HMCN1: variants seen among roughly 807,000 people sequenced by gnomAD.
The protein encoded by HMCN1 is hemicentin 1.
In HMCN1, 321 loss-of-function variants were observed where a neutral mutation model predicts 625.9. The ratio of observed to expected loss-of-function variants is 0.51; its 90% CI spans 0.47 to 0.56. The LOEUF (loss-of-function observed/expected upper bound fraction) is 0.56, where lower values mean the gene tolerates loss of function less well. HMCN1 is among the 20% of genes least tolerant of loss of function. HMCN1 has a pLI of 0.00. For synonymous variants in HMCN1, 2,425 were observed against 2,417.6 expected (o/e 1.00, Z -0.09); for missense variants, 6,588 against 6,887.3 (o/e 0.96, Z 1.54).
chr1:186,077,147 A>G (rs1176241905), intron 54 of HMCN1, among the ~76,000 whole-genome samples: 2 of 152,178 alleles, frequency 1.3e-5, no homozygotes, highest in Non-Finnish European at 2.9e-5. Context: ...GGGCTTATCA[A>G]AATTCATCAG....
intron 46 of HMCN1, among the ~76,000 whole-genome samples, chr1:186,059,413 A>G (rs911760075): frequency 1.3e-5 from 2 of 152,054 alleles, no homozygotes; most frequent in African/African-American, 4.8e-5. Context: ...GAAAAAGGCA[A>G]GCTAAAGTGA....
chr1:185,798,738 A>G (rs1231278218), intron 1 of HMCN1, among the ~76,000 whole-genome samples: 2 of 151,716 alleles, frequency 1.3e-5, no homozygotes, highest in Non-Finnish European at 2.9e-5. Flanking sequence ...GGTTTTAAAT[A>G]TATCTATCTA....
chr1:186,065,194 A>G (rs1658026167), intron 48 of HMCN1, 44 bp from the exon 49 acceptor site: 1 of 1,499,724 alleles, frequency 6.7e-7, no homozygotes, highest in Non-Finnish European at 9.3e-7. Flanking sequence ...TATTCATTCT[A>G]TACATGTAAT....
chr1:185,780,754 AT>A (rs1323240673), intron 1 of HMCN1, among the ~76,000 whole-genome samples: 1 of 152,164 alleles, frequency 6.6e-6, no homozygotes, highest in East Asian at 1.9e-4. Context: ...GTTTGCCAGT[AT>A]TTTATTGAGG....
At chr1:185,746,605 CTT>C (rs59992589) in intron 1 of HMCN1, among the ~76,000 whole-genome samples, 20 of 132,258 alleles carry the variant, frequency 1.5e-4, no homozygotes, top group East Asian at 2.1e-4. Context: ...TTTCCTTTTC[CTT>C]TTTTTTTTTT....
chr1:186,034,732 T>A (rs1362045616), intron 36 of HMCN1, among the ~76,000 whole-genome samples: 3 of 152,208 alleles, frequency 2.0e-5, no homozygotes, highest in Non-Finnish European at 4.4e-5. Flanking sequence ...TCACTGTTCT[T>A]AATGAAATTT....
chr1:186,053,160 A>G, intron 43 of HMCN1, 86 bp downstream of exon 43: 1 of 1,343,316 alleles, frequency 7.4e-7, no homozygotes, highest in Admixed American at 1.8e-5. Context: ...TAGATTATAA[A>G]CAAATTTTCC....
At chr1:185,964,570 A>G (rs1371777675) in intron 13 of HMCN1, among the ~76,000 whole-genome samples, 2 of 152,146 alleles carry the variant, frequency 1.3e-5, no homozygotes, top group African/African-American at 4.8e-5. Flanking sequence ...TTGAAGGTAT[A>G]GGTGAGGGAG....
intron 105 of HMCN1, among the ~76,000 whole-genome samples, chr1:186,187,394 C>G (rs1396871093): frequency 6.6e-6 from 1 of 152,104 alleles, no homozygotes; most frequent in African/African-American, 2.4e-5. Flanking sequence ...TAACTTGACT[C>G]CTTTCATATC....
intron 9 of HMCN1, among the ~76,000 whole-genome samples, chr1:185,926,583 A>G (rs1667288659): frequency 6.6e-6 from 1 of 152,168 alleles, no homozygotes; most frequent in African/African-American, 2.4e-5. Context: ...GTAAGCCATG[A>G]GAATTCTTTT....
At chr1:185,794,709 G>T (rs1216980328) in intron 1 of HMCN1, among the ~76,000 whole-genome samples, 1 of 146,106 alleles carries the variant, frequency 6.8e-6, no homozygotes, top group Admixed American at 7.2e-5. Context: ...CCAGCCCACT[G>T]ACTCAAATAT....
intron 11 of HMCN1, among the ~76,000 whole-genome samples, chr1:185,950,334 T>A (rs1461088282): frequency 6.6e-6 from 1 of 151,880 alleles, no homozygotes; most frequent in Admixed American, 6.6e-5. Flanking sequence ...GAGCATAGTT[T>A]GTGATTTTGA....
chr1:186,033,133 A>G (rs1251537557), intron 36 of HMCN1, among the ~76,000 whole-genome samples: 1 of 152,012 alleles, frequency 6.6e-6, no homozygotes, highest in African/African-American at 2.4e-5. Flanking sequence ...GAATGAAATA[A>G]TGTCTTTTGC....
chr1:185,922,533 T>C (rs1667053756), intron 7 of HMCN1, 34 bp downstream of exon 7: 2 of 1,558,284 alleles, frequency 1.3e-6, no homozygotes, highest in South Asian at 1.1e-5. Context: ...ATTGACATAA[T>C]AGATATCCAA....
At chr1:185,887,066 C>A (rs1187432202) in intron 4 of HMCN1, among the ~76,000 whole-genome samples, 3 of 152,064 alleles carry the variant, frequency 2.0e-5, no homozygotes, top group African/African-American at 7.2e-5. Context: ...CACTTTTTAG[C>A]TTTTAACTTC....
intron 1 of HMCN1, among the ~76,000 whole-genome samples, chr1:185,783,246 T>A (rs1657276488): frequency 6.6e-6 from 1 of 152,238 alleles, no homozygotes; most frequent in Non-Finnish European, 1.5e-5. Context: ...TACCCATTCA[T>A]CTAATCTTTT....
intron 4 of HMCN1, among the ~76,000 whole-genome samples, chr1:185,883,648 G>T (rs758122523): frequency 1.3e-5 from 2 of 151,888 alleles, no homozygotes; most frequent in African/African-American, 2.4e-5. Flanking sequence ...TTTGTTTGTT[G>T]TTGGATATTG....
intron 1 of HMCN1, among the ~76,000 whole-genome samples, chr1:185,805,572 A>C (rs1309169593): frequency 6.6e-6 from 1 of 152,202 alleles, no homozygotes; most frequent in African/African-American, 2.4e-5. Flanking sequence ...AAAGGAATAC[A>C]TGTATTCTAT....
intron 14 of HMCN1, among the ~76,000 whole-genome samples, chr1:185,968,768 G>A (rs1198428222): frequency 6.6e-6 from 1 of 151,930 alleles, no homozygotes; most frequent in African/African-American, 2.4e-5. Flanking sequence ...ATTTTACTAT[G>A]TATAACATTC....
Sources: allele counts gnomAD v4.1 joint callset (sites outside exome capture counted in the v4.1 genomes callset), GRCh38; gene constraint gnomAD v4.1.1; transcripts MANE v1.5; gene names NCBI Gene and HGNC (gene_info 2026-07-23, HGNC 2026-07-21).